CNTNAP4: variants seen among roughly 807,000 people sequenced by gnomAD.
CNTNAP4 encodes the protein contactin associated protein family member 4, also known as contactin-associated protein-like 4.
A neutral mutation model predicts 148.4 loss-of-function variants in CNTNAP4; 98 were observed. The ratio of observed to expected loss-of-function variants is 0.66; its 90% CI spans 0.56 to 0.78. CNTNAP4 has a LOEUF of 0.78. Among genes scored for constraint, CNTNAP4 ranks in the 30% least tolerant of loss-of-function variants. CNTNAP4 has a pLI of 0.00. For synonymous variants in CNTNAP4, 730 were observed against 565.1 expected (o/e 1.29, Z -4.14); for missense variants, 1,935 against 1,565.6 (o/e 1.24, Z -3.98).
chr16:76,413,917 A>G (rs1366628307), intron 3 of CNTNAP4, among the ~76,000 whole-genome samples: 5 of 151,298 alleles, frequency 3.3e-5, no homozygotes, highest in African/African-American at 1.2e-4. Flanking sequence ...TCATTTTTAT[A>G]TATAGACTTT....
At position 76,422,860 on chromosome 16, in the gene CNTNAP4, G is replaced by C. The variant is rs12930380; in HGVS notation, c.391-4592G>C. On this transcript the variant is annotated intron_variant, in intron 3 of 23. Transcript: ENST00000611870. ...AACATTTAAATTGGTAACATAGAAC[G>C]CAATCACTAGTTGTTATGGTCCAAA... Among the ~76,000 whole-genome samples, 509 of 152,104 alleles carry C rather than the reference G, an allele frequency of 3.3e-3. 2 individuals carry two copies. Among genetic ancestry groups the C allele is most frequent in the Middle Eastern group, 0.017 (5 of 294 alleles).
chr16:76,534,821 G>A (rs935806203), intron 17 of CNTNAP4, among the ~76,000 whole-genome samples: 1 of 152,158 alleles, frequency 6.6e-6, no homozygotes, highest in South Asian at 2.1e-4. Context: ...AATAGGGTCT[G>A]ATTCCAACCC....
intron 3 of CNTNAP4, among the ~76,000 whole-genome samples, chr16:76,387,825 T>C (rs1366243352): frequency 6.6e-6 from 1 of 152,208 alleles, no homozygotes; most frequent in Non-Finnish European, 1.5e-5. Flanking sequence ...TACTTCCTAG[T>C]ATATAGGCTG....
chr16:76,480,061 A>G (rs1051406344), intron 12 of CNTNAP4, among the ~76,000 whole-genome samples: 11 of 152,198 alleles, frequency 7.2e-5, no homozygotes, highest in African/African-American at 2.4e-4. Context: ...GGAATTTGAA[A>G]GCTTTTCCCA....
At chr16:76,492,752 C>T (rs559567154) in intron 13 of CNTNAP4, among the ~76,000 whole-genome samples, 3 of 152,030 alleles carry the variant, frequency 2.0e-5, no homozygotes, top group Non-Finnish European at 4.4e-5. Flanking sequence ...TAAGATGTGG[C>T]TTTGCCCTTC....
At chr16:76,361,787 T>C (rs917260268) in intron 3 of CNTNAP4, among the ~76,000 whole-genome samples, 19 of 152,212 alleles carry the variant, frequency 1.2e-4, no homozygotes, top group African/African-American at 4.6e-4. Context: ...CTACCAACTA[T>C]GTACTAGGGT....
chr16:76,308,971 A>AT (rs1960794891), intron 1 of CNTNAP4, among the ~76,000 whole-genome samples: 1 of 149,502 alleles, frequency 6.7e-6, no homozygotes, highest in African/African-American at 2.5e-5. Flanking sequence ...ATTCCAGGCT[A>AT]ATTTTTTTTT....
chr16:76,558,426 A>G lies in CNTNAP4; in HGVS notation c.3734-64A>G, dbSNP rs1025377869. 7 of 902,120 alleles carry G rather than the reference A, an allele frequency of 7.8e-6. No homozygotes were observed. In the African/African-American group the frequency reaches 8.4e-5, roughly 11 times the overall value. The allele number at this position is 902,120 out of a possible 1,614,324, so 55.9% of individuals were successfully genotyped here. ...TAGTGTTATGATGACTTATTAAGCA[A>G]TGAAGTCAGCACAGTTTCTATTTGG... On this transcript the variant is annotated intron_variant, in intron 23 of 23. Coordinates refer to ENST00000611870, the MANE Select transcript of CNTNAP4 (RefSeq NM_033401.5).
chr16:76,331,672 T>C (rs1045789483), intron 2 of CNTNAP4, among the ~76,000 whole-genome samples: 2 of 152,346 alleles, frequency 1.3e-5, no homozygotes, highest in Middle Eastern at 3.4e-3. Flanking sequence ...TATATCCTTA[T>C]GCATTGTATG....
intron 21 of CNTNAP4, among the ~76,000 whole-genome samples, chr16:76,541,482 T>C (rs2084452925): frequency 6.6e-6 from 1 of 152,184 alleles, no homozygotes; most frequent in African/African-American, 2.4e-5. Flanking sequence ...TCATTAAGAG[T>C]ATTGGAATTT....
Position 76,350,307 on chromosome 16 carries a change from T to G in CNTNAP4, c.197-5011T>G, listed in dbSNP as rs8046849. ...CTGCACTAAAGTATTTGCATAGTATTGGGAAAATTTACTTAGCCTCTGTAA... is the reference window on the plus strand; with the variant it reads ...CTGCACTAAAGTATTTGCATAGTATGGGGAAAATTTACTTAGCCTCTGTAA... On this transcript the variant is annotated intron_variant, in intron 2 of 23. Coordinates refer to ENST00000611870, the MANE Select transcript of CNTNAP4 (RefSeq NM_033401.5). 7.7e-3 allele frequency among the ~76,000 whole-genome samples: 1,177 copies of G among 152,264 alleles called. 12 individuals carry two copies. The highest frequency in any genetic ancestry group is 0.026 in the African/African-American group (1,061 of 41,550).
intron 11 of CNTNAP4, among the ~76,000 whole-genome samples, chr16:76,477,209 A>T (rs939464218): frequency 3.9e-5 from 6 of 152,096 alleles, no homozygotes; most frequent in African/African-American, 1.4e-4. Flanking sequence ...TGTATTACAA[A>T]TCATGAATTT....
chr16:76,502,328 A>G (rs2082682752), intron 15 of CNTNAP4, among the ~76,000 whole-genome samples: 1 of 150,888 alleles, frequency 6.6e-6, no homozygotes, highest in Non-Finnish European at 1.5e-5. Context: ...CCTTTTTTCC[A>G]TATGGGAAAT....
intron 3 of CNTNAP4, among the ~76,000 whole-genome samples, chr16:76,360,042 A>T (rs2013212800): frequency 6.6e-6 from 1 of 152,248 alleles, no homozygotes; most frequent in Non-Finnish European, 1.5e-5. Context: ...CTGAGTAAAT[A>T]TGATTGTTAA....
At chr16:76,403,745 G>A (rs146868491) in intron 3 of CNTNAP4, among the ~76,000 whole-genome samples, 10 of 152,206 alleles carry the variant, frequency 6.6e-5, no homozygotes, top group African/African-American at 1.2e-4. Context: ...ACACATGCAC[G>A]CAAATGTTTA....
At chr16:76,388,752 A>C (rs1439966441) in intron 3 of CNTNAP4, among the ~76,000 whole-genome samples, 1 of 152,224 alleles carries the variant, frequency 6.6e-6, no homozygotes, top group African/African-American at 2.4e-5. Context: ...AATCTAAATG[A>C]TGGAAATGTT....
At chr16:76,375,182 G>A (rs933097707) in intron 3 of CNTNAP4, among the ~76,000 whole-genome samples, 10 of 152,142 alleles carry the variant, frequency 6.6e-5, no homozygotes, top group African/African-American at 2.4e-4. Flanking sequence ...AGCACTTTTG[G>A]AGGTTGAGGC....
At chr16:76,409,004 A>G (rs550491386) in intron 3 of CNTNAP4, among the ~76,000 whole-genome samples, 197 of 152,132 alleles carry the variant, frequency 1.3e-3, no homozygotes, top group South Asian at 6.8e-3. Flanking sequence ...ACAATGAGTC[A>G]TTATGTCTGT....
chr16:76,498,952 G>A lies in CNTNAP4; in HGVS notation c.2365+258G>A, dbSNP rs114228509. ...TAATGAGTACAGAGATTTGGGAGAT[G>A]AAAAGATGAGTTTTAGTGATGGTTA... is the stretch of plus-strand genomic sequence containing the variant. On this transcript the variant is annotated intron_variant, in intron 15 of 23. Coordinates refer to ENST00000611870, the MANE Select transcript of CNTNAP4 (RefSeq NM_033401.5). 9.7e-3 allele frequency among the ~76,000 whole-genome samples: 1,482 copies of A among 152,142 alleles called. 30 individuals are homozygous for A. The highest frequency in any genetic ancestry group is 0.034 in the African/African-American group (1,402 of 41,482).
Sources: gnomAD v4.1 joint callset for allele counts (sites outside exome capture counted in the v4.1 genomes callset) on GRCh38, gnomAD v4.1.1 for gene constraint, MANE v1.5 for transcripts, NCBI Gene and HGNC (gene_info 2026-07-23, HGNC 2026-07-21) for gene names.